Variants in LRP5 observed in about 807,000 individuals in gnomAD.
The protein encoded by LRP5 is low-density lipoprotein receptor-related protein 5.
In LRP5, 62 loss-of-function variants were observed where a neutral mutation model predicts 154.1. The observed-to-expected ratio is 0.40, with a 90% confidence interval of 0.33 to 0.50. The LOEUF (loss-of-function observed/expected upper bound fraction) is 0.50. Ranked by LOEUF, LRP5 falls within the 20% of genes least tolerant of loss-of-function variation. The pLI is 0.55. For synonymous variants in LRP5, 966 were observed against 1,011.5 expected (o/e 0.96, Z 0.85); for missense variants, 1,915 against 2,336.7 (o/e 0.82, Z 3.72).
intron 12 of LRP5, 79 bp from the exon 13 acceptor site, chr11:68,416,249 G>T: frequency 4.0e-6 from 5 of 1,259,182 alleles, no homozygotes; most frequent in Admixed American, 1.7e-5. Flanking sequence ...GCCTGTTGTC[G>T]AGTGGCGTGC....
chr11:68,352,685 G>A (rs1342092871), intron 2 of LRP5, among the ~76,000 whole-genome samples: 2 of 151,720 alleles, frequency 1.3e-5, no homozygotes, highest in Non-Finnish European at 2.9e-5. Context: ...CAGTTGAGAG[G>A]TGCTAGGTGC....
At chr11:68,387,015 T>G (rs1329041766) in intron 6 of LRP5, among the ~76,000 whole-genome samples, 2 of 152,158 alleles carry the variant, frequency 1.3e-5, no homozygotes, top group African/African-American at 2.4e-5. Flanking sequence ...TTTCCTCATC[T>G]GTAGAATGGA....
Position 68,312,730 on chromosome 11 carries a change from C to T in LRP5, c.16C>T (p.Pro6Ser). 9.5e-7 allele frequency: 1 copy of T among 1,052,536 alleles called. No homozygotes were observed. Among genetic ancestry groups the T allele is most frequent in the Non-Finnish European group, 1.1e-6 (1 of 873,788 alleles). 65.2% of individuals were successfully genotyped at this position (1,052,536 alleles called of 1,614,324 possible). The change falls in exon 1 of 23, where the codon CCC becomes TCC. Residue 6 changes from proline to serine, a missense_variant. Pro to Ser is a moderately conservative substitution (Grantham distance 74, BLOSUM62 -1). Coordinates refer to ENST00000294304, the MANE Select transcript of LRP5 (RefSeq NM_002335.4). ...GCCGGACAACATGGAGGCAGCGCCGCCCGGGCCGCCGTGGCCGCTGCTGCT... is the reference window on the plus strand; with the variant it reads ...GCCGGACAACATGGAGGCAGCGCCGTCCGGGCCGCCGTGGCCGCTGCTGCT... MEAAP[P>S]GPPWPLLLLL...
intron 17 of LRP5, among the ~76,000 whole-genome samples, chr11:68,429,919 G>C (rs2098670996): frequency 6.6e-6 from 1 of 152,130 alleles, no homozygotes; most frequent in African/African-American, 2.4e-5. Flanking sequence ...CACAAATTTT[G>C]TTACATTTTC....
intron 7 of LRP5, among the ~76,000 whole-genome samples, chr11:68,400,412 T>C (rs917413146): frequency 1.3e-5 from 2 of 152,034 alleles, no homozygotes; most frequent in East Asian, 3.9e-4. Flanking sequence ...GAGAAAAATC[T>C]CTCCAAGAGA....
intron 16 of LRP5, among the ~76,000 whole-genome samples, chr11:68,427,880 G>A (rs1280001697): frequency 6.6e-6 from 1 of 152,230 alleles, no homozygotes; most frequent in Admixed American, 6.5e-5. Flanking sequence ...CATTGTCCGG[G>A]TGTTGGACAC....
intron 5 of LRP5, among the ~76,000 whole-genome samples, chr11:68,375,746 T>G (rs1399807756): frequency 6.6e-6 from 1 of 152,202 alleles, no homozygotes; most frequent in African/African-American, 2.4e-5. Context: ...TTTCTTGACT[T>G]TGTCAAGAGA....
chr11:68,413,329 C>T lies in LRP5; in HGVS notation c.2504-360C>T, dbSNP rs1360940077. ...GTACGTGTTTTGGACTTAAACGCTC[C>T]GGATGTTTACTGAGTGCTTGATTAA... On this transcript the variant is annotated intron_variant, in intron 11 of 22. Coordinates refer to ENST00000294304, the MANE Select transcript of LRP5 (RefSeq NM_002335.4). The surrounding 1 kb of genome is among the most constrained non-coding windows in gnomAD (Gnocchi z 5.1). 3.1e-5 allele frequency: 13 copies of T among 416,356 alleles called. No homozygotes were observed. Among genetic ancestry groups the T allele is most frequent in the African/African-American group, 6.0e-5 (3 of 50,352 alleles). 25.8% of individuals were successfully genotyped at this position (416,356 alleles called of 1,614,324 possible).
chr11:68,403,410 C>T, intron 7 of LRP5, 73 bp from the exon 8 acceptor site: 1 of 1,384,378 alleles, frequency 7.2e-7, no homozygotes, highest in Non-Finnish European at 1.0e-6. Context: ...GCTCAGGCCC[C>T]AGGCAGGGTC....
chr11:68,366,220 G>T (rs774624003), intron 5 of LRP5, among the ~76,000 whole-genome samples: 1 of 152,166 alleles, frequency 6.6e-6, no homozygotes, highest in African/African-American at 2.4e-5. Context: ...CCATCCCTGG[G>T]ACCAGTCCTC....
At chr11:68,347,755 A>T in intron 1 of LRP5, 92 bp from the exon 2 acceptor site, 1 of 1,466,916 alleles carries the variant, frequency 6.8e-7, no homozygotes, top group Non-Finnish European at 9.5e-7. Flanking sequence ...GCAGGGCAGT[A>T]CCAGGAGTGC....
At chr11:68,302,216 G>A in the LRP5 span, among the ~76,000 whole-genome samples, 1 of 151,718 alleles carries the variant, frequency 6.6e-6, no homozygotes, top group Non-Finnish European at 1.5e-5. Flanking sequence ...GCGTGGTGGT[G>A]CCACCTGTAG....
intron 5 of LRP5, among the ~76,000 whole-genome samples, chr11:68,373,389 C>G (rs1243525713): frequency 5.9e-5 from 9 of 151,538 alleles, no homozygotes; most frequent in Admixed American, 1.3e-4. Flanking sequence ...GCGTTGGTGG[C>G]GGGGGGGGCC....
chr11:68,406,825 C>T lies in LRP5; in HGVS notation c.2091+12C>T. On this transcript the variant is annotated intron_variant, in intron 9 of 22. Coordinates refer to ENST00000294304, the MANE Select transcript of LRP5 (RefSeq NM_002335.4). ...ACGTCAGCCTGAAGGTAGCGTGGGC[C>T]AGAACGTGCACACAGGCAGCCTTTA... 1 of 1,613,172 alleles carries T rather than the reference C, an allele frequency of 6.2e-7. No homozygotes were observed. The highest frequency in any genetic ancestry group is 8.5e-7 in the Non-Finnish European group (1 of 1,179,660).
chr11:68,446,374 GAGGA>G, intron 21 of LRP5, 58 bp from the exon 22 acceptor site: 2 of 1,135,176 alleles, frequency 1.8e-6, no homozygotes, highest in Non-Finnish European at 2.7e-6. Context: ...AGGGGTGTGG[GAGGA>G]AGGAAGGAAT....
intron 1 of LRP5, among the ~76,000 whole-genome samples, chr11:68,336,515 C>G (rs1386199926): frequency 1.3e-5 from 2 of 152,114 alleles, no homozygotes; most frequent in African/African-American, 4.8e-5. Context: ...GTCACCCAGG[C>G]TGGAGTGCAA....
chr11:68,394,295 GGGAA>G (rs1426661306), intron 7 of LRP5, among the ~76,000 whole-genome samples: 1 of 152,112 alleles, frequency 6.6e-6, no homozygotes, highest in Admixed American at 6.5e-5. Context: ...TACTGTCCTT[GGGAA>G]GTTAGAAGAC....
rs2098662035 is a variant in LRP5 at position 68,415,483 on chromosome 11, T to C, written c.2828-845T>C. Among the ~76,000 whole-genome samples, 3 of 152,288 alleles carry C rather than the reference T, an allele frequency of 2.0e-5. No individual in the cohort carries two copies. In the South Asian group the frequency reaches 6.2e-4, roughly 32 times the overall value. On this transcript the variant is annotated intron_variant, in intron 12 of 22. Coordinates refer to ENST00000294304, the MANE Select transcript of LRP5 (RefSeq NM_002335.4). ...TTATTGGGCTGGACACGGTGGCTCA[T>C]GACTGTTATCCCAGCACTTTGGGAG...
the LRP5 span, among the ~76,000 whole-genome samples, chr11:68,303,342 G>A: frequency 6.6e-6 from 1 of 152,152 alleles, no homozygotes; most frequent in Non-Finnish European, 1.5e-5. Flanking sequence ...AGATGGAAAT[G>A]AGGAACTTAT....
Sources: allele counts gnomAD v4.1 joint callset (sites outside exome capture counted in the v4.1 genomes callset), GRCh38; gene constraint gnomAD v4.1.1; non-coding constraint Gnocchi (gnomAD v3.1); transcripts MANE v1.5; gene names NCBI Gene and HGNC (gene_info 2026-07-23, HGNC 2026-07-21).